GALNT13: variants seen among roughly 807,000 people sequenced by gnomAD.
GALNT13 encodes the protein UDP-GalNAc:polypeptide N-acetylgalactosaminyltransferase 13.
GALNT13 carries 28 observed loss-of-function variants against 64.2 expected under a neutral mutation model. The observed-to-expected ratio is 0.44, with a 90% CI of 0.32 to 0.60. The LOEUF is 0.60. Ranked by LOEUF, GALNT13 falls within the 20% of genes least tolerant of loss-of-function variation. The pLI is 0.05. For synonymous variants in GALNT13, 214 were observed against 224.6 expected (o/e 0.95, Z 0.42); for missense variants, 577 against 669.8 (o/e 0.86, Z 1.53).
the GALNT13 span, among the ~76,000 whole-genome samples, chr2:153,120,211 C>T: frequency 1.3e-5 from 2 of 152,164 alleles, no homozygotes; most frequent in Non-Finnish European, 2.9e-5. Context: ...TTCAATTCTA[C>T]TTTAACCAAA....
At chr2:153,941,243 G>A (rs1462683304) in intron 2 of GALNT13, among the ~76,000 whole-genome samples, 6 of 152,072 alleles carry the variant, frequency 3.9e-5, no homozygotes, top group Non-Finnish European at 8.8e-5. Context: ...TGATCCGCCC[G>A]CCTCAGCCTC....
the GALNT13 span, among the ~76,000 whole-genome samples, chr2:153,600,243 A>T: frequency 5.3e-5 from 8 of 151,984 alleles, no homozygotes; most frequent in South Asian, 4.1e-4. Context: ...ACTGTTGAGT[A>T]AAACATTTCT....
At chr2:153,298,783 G>A in the GALNT13 span, among the ~76,000 whole-genome samples, 116 of 152,250 alleles carry the variant, frequency 7.6e-4, no homozygotes, top group African/African-American at 2.7e-3. Flanking sequence ...AACCTTTCAA[G>A]CAGTTTAGCA....
intron 8 of GALNT13, among the ~76,000 whole-genome samples, chr2:154,282,373 T>A (rs1692007147): frequency 6.6e-6 from 1 of 152,224 alleles, no homozygotes; most frequent in Non-Finnish European, 1.5e-5. Flanking sequence ...ATTCTTTTAA[T>A]ACAACTAAAG....
At chr2:153,617,027 T>C in the GALNT13 span, among the ~76,000 whole-genome samples, 2,307 of 152,088 alleles carry the variant, frequency 0.015, 60 homozygotes, top group African/African-American at 0.052. Flanking sequence ...ACTTTCAGCA[T>C]TGGACAGATG....
At chr2:154,141,695 G>A (rs1683268960) in intron 4 of GALNT13, among the ~76,000 whole-genome samples, 2 of 152,104 alleles carry the variant, frequency 1.3e-5, no homozygotes, top group South Asian at 4.1e-4. Flanking sequence ...AAGTATACCT[G>A]CATTGCTTTT....
At chr2:153,565,067 T>C in the GALNT13 span, among the ~76,000 whole-genome samples, 1 of 152,150 alleles carries the variant, frequency 6.6e-6, no homozygotes, top group East Asian at 1.9e-4. Flanking sequence ...GGTCTCCAGA[T>C]GAGGACATGG....
the GALNT13 span, among the ~76,000 whole-genome samples, chr2:153,839,011 A>G: frequency 2.0e-5 from 3 of 151,602 alleles, no homozygotes; most frequent in Non-Finnish European, 3.0e-5. Flanking sequence ...ACATTTATTC[A>G]TAAGTATTTT....
the GALNT13 span, among the ~76,000 whole-genome samples, chr2:153,602,217 T>C: frequency 6.6e-6 from 1 of 151,900 alleles, no homozygotes; most frequent in Non-Finnish European, 1.5e-5. Context: ...TTTTAATTTA[T>C]TTAATAAATA....
the GALNT13 span, among the ~76,000 whole-genome samples, chr2:153,327,179 C>T: frequency 5.3e-5 from 8 of 152,186 alleles, no homozygotes; most frequent in South Asian, 2.1e-4. Context: ...TGCTGTTAGT[C>T]TGATGGGCTT....
the GALNT13 span, among the ~76,000 whole-genome samples, chr2:153,684,489 G>T: frequency 6.6e-6 from 1 of 151,574 alleles, no homozygotes; most frequent in Non-Finnish European, 1.5e-5. Context: ...ATATCAGGGA[G>T]GTCCATTAAG....
the GALNT13 span, among the ~76,000 whole-genome samples, chr2:153,861,527 G>T: frequency 6.7e-6 from 1 of 150,132 alleles, no homozygotes; most frequent in African/African-American, 2.5e-5. Flanking sequence ...CTTTTTAAAA[G>T]CTGATTTTTT....
chr2:153,996,974 G>A (rs1695562711), intron 3 of GALNT13, among the ~76,000 whole-genome samples: 1 of 152,084 alleles, frequency 6.6e-6, no homozygotes, highest in South Asian at 2.1e-4. Flanking sequence ...TAAAAAGACA[G>A]TTTACTGAGA....
At position 154,216,802 on chromosome 2, in the gene GALNT13, CTTT is replaced by C. The variant is rs397872685; in HGVS notation, c.312-25205_312-25203del. On this transcript the variant is annotated intron_variant, in intron 4 of 12. Coordinates refer to ENST00000392825, the MANE Select transcript of GALNT13 (RefSeq NM_052917.4). ...TTCATTTACTTTCATTTCTCTCTCTCTTTTTTTTTTTTTTTTTTTTTTTTTGAG... is the reference window on the plus strand; with the variant it reads ...TTCATTTACTTTCATTTCTCTCTCTCTTTTTTTTTTTTTTTTTTTTTTGAG... Among the ~76,000 whole-genome samples, 413 of 71,300 alleles carry C rather than the reference CTTT, an allele frequency of 5.8e-3. 2 individuals carry two copies. The highest frequency in any genetic ancestry group is 0.02 in the African/African-American group (374 of 18,454). 46.8% of individuals were successfully genotyped at this position (71,300 alleles called of 152,430 possible).
intron 3 of GALNT13, among the ~76,000 whole-genome samples, chr2:154,065,366 T>C (rs1321819338): frequency 6.6e-6 from 1 of 152,150 alleles, no homozygotes; most frequent in Non-Finnish European, 1.5e-5. Flanking sequence ...ATAGATCCTT[T>C]GGACCTTGAG....
chr2:154,048,415 T>A lies in GALNT13; in HGVS notation c.143-91922T>A, dbSNP rs565480678. ...CCCCAGTTGAGAATCCCTAAAAAAC[T>A]TTGATTAACAAATAAAATACTGTTT... On this transcript the variant is annotated intron_variant, in intron 3 of 12. Transcript: ENST00000392825. Among the ~76,000 whole-genome samples the A allele has an allele frequency of 6.6e-5, 10 of 152,272 alleles. No homozygotes were observed. In the South Asian group the frequency reaches 2.1e-3, roughly 32 times the overall value.
At chr2:153,760,447 G>T in the GALNT13 span, among the ~76,000 whole-genome samples, 1 of 151,546 alleles carries the variant, frequency 6.6e-6, no homozygotes, top group African/African-American at 2.4e-5. Flanking sequence ...TTCCATTATT[G>T]TTTGTCTTAA....
At chr2:153,936,249 A>G (rs73009840) in intron 2 of GALNT13, among the ~76,000 whole-genome samples, 9,913 of 152,298 alleles carry the variant, frequency 0.065, 495 homozygotes, top group South Asian at 0.13. Flanking sequence ...ACATTGTATT[A>G]GGTGTTATGA....
the GALNT13 span, among the ~76,000 whole-genome samples, chr2:153,606,484 A>AT: frequency 7.9e-5 from 12 of 151,958 alleles, no homozygotes; most frequent in African/African-American, 2.7e-4. Flanking sequence ...AAAATTATGA[A>AT]TTTTTTTGTG....
Sources: allele counts gnomAD v4.1 joint callset (sites outside exome capture counted in the v4.1 genomes callset), GRCh38; gene constraint gnomAD v4.1.1; transcripts MANE v1.5; gene names NCBI Gene and HGNC (gene_info 2026-07-23, HGNC 2026-07-21).